TMEM131: variants seen among roughly 807,000 people sequenced by gnomAD.
TMEM131 encodes 2610524E03Rik.
Under a neutral mutation model 211.6 loss-of-function variants are expected in TMEM131, and 66 were observed. The ratio of observed to expected loss-of-function variants is 0.31; its 90% CI spans 0.26 to 0.38. The LOEUF is 0.38. Among genes scored for constraint, TMEM131 ranks in the 10% least tolerant of loss-of-function variants. TMEM131 has a pLI of 1.00. For missense variants in TMEM131, 2,036 were observed against 2,299.3 expected, an observed-to-expected ratio of 0.89 and a Z score of 2.34; for synonymous variants, 844 against 841.3, an observed-to-expected ratio of 1.00 and a Z score of -0.06.
chr2:97,867,228 A>G (rs1387891163), intron 4 of TMEM131, among the ~76,000 whole-genome samples: 3 of 152,158 alleles, frequency 2.0e-5, no homozygotes, highest in Non-Finnish European at 2.9e-5. Flanking sequence ...CAAGTCTTCT[A>G]TATCTTTATC....
Position 97,760,615 on chromosome 2 carries a change from C to T in TMEM131, c.5086G>A (p.Val1696Ile). The stretch of plus-strand genomic sequence containing the variant: ...TACCTGTCTGAGCCATCGCTGTCAA[C>T]AGGAGCGTGTGAAATGCCAAGGCTG... The part of the protein sequence containing the change: ...SSSLGISHAP[V>I]DSDGSDSSGL... Residue 1696 changes from valine to isoleucine, a missense_variant, in exon 38 of 41, where the codon GTT (valine) becomes ATT (isoleucine). Physicochemically the swap from Val to Ile is conservative, Grantham distance 29. This residue lies in a region of TMEM131 where 1,623 missense variants were observed against 1,805.9 expected (regional missense o/e 0.90). Coordinates refer to ENST00000186436, the MANE Select transcript of TMEM131 (RefSeq NM_015348.2). 1 of 1,612,322 alleles carries T rather than the reference C, an allele frequency of 6.2e-7. No homozygotes were observed.
At chr2:97,910,361 C>T (rs985579702) in intron 2 of TMEM131, among the ~76,000 whole-genome samples, 1 of 152,080 alleles carries the variant, frequency 6.6e-6, no homozygotes, top group African/African-American at 2.4e-5. Flanking sequence ...CCATACGACC[C>T]GCAATCCCAC....
chr2:97,989,569 C>G (rs1422261482), intron 1 of TMEM131, among the ~76,000 whole-genome samples: 1 of 152,098 alleles, frequency 6.6e-6, no homozygotes, highest in Non-Finnish European at 1.5e-5. Context: ...ACACTTAACA[C>G]CACTGAACTG....
intron 1 of TMEM131, among the ~76,000 whole-genome samples, chr2:97,980,710 C>T (rs1200415585): frequency 1.3e-5 from 2 of 152,028 alleles, no homozygotes; most frequent in Non-Finnish European, 2.9e-5. Context: ...TATATTCATA[C>T]AACAGAATAC....
intron 3 of TMEM131, among the ~76,000 whole-genome samples, chr2:97,890,476 T>C (rs1269800038): frequency 6.6e-6 from 1 of 152,194 alleles, no homozygotes; most frequent in Non-Finnish European, 1.5e-5. Flanking sequence ...TACACAGTCA[T>C]GACATGGGAG....
intron 1 of TMEM131, among the ~76,000 whole-genome samples, chr2:97,932,270 T>G (rs1185417268): frequency 1.3e-5 from 2 of 152,144 alleles, no homozygotes; most frequent in Non-Finnish European, 2.9e-5. Context: ...TTTTAAAACA[T>G]CCTGGACTAG....
At chr2:97,949,566 G>A (rs1460837873) in intron 1 of TMEM131, among the ~76,000 whole-genome samples, 2 of 152,044 alleles carry the variant, frequency 1.3e-5, no homozygotes, top group African/African-American at 4.8e-5. Flanking sequence ...TGTAATCCCA[G>A]CACTTTGGGA....
At chr2:97,979,985 A>G (rs1385724544) in intron 1 of TMEM131, among the ~76,000 whole-genome samples, 6 of 152,132 alleles carry the variant, frequency 3.9e-5, no homozygotes, top group African/African-American at 1.4e-4. Flanking sequence ...AGTACTACTA[A>G]TTGTCCTAAT....
chr2:97,883,177 C>A (rs1202727018), intron 4 of TMEM131, among the ~76,000 whole-genome samples: 1 of 152,164 alleles, frequency 6.6e-6, no homozygotes, highest in African/African-American at 2.4e-5. Context: ...AAAGCTCCAC[C>A]TCTGAACACA....
chr2:97,949,256 A>G (rs1678189051), intron 1 of TMEM131, among the ~76,000 whole-genome samples: 1 of 152,210 alleles, frequency 6.6e-6, no homozygotes, highest in South Asian at 2.1e-4. Flanking sequence ...AAGGGAGACA[A>G]CAGAAGAGTA....
At chr2:97,782,015 C>A (rs1235014233) in intron 31 of TMEM131, among the ~76,000 whole-genome samples, 1 of 152,248 alleles carries the variant, frequency 6.6e-6, no homozygotes, top group Non-Finnish European at 1.5e-5. Context: ...GACATCCCAG[C>A]ATGCTGGCGA....
chr2:97,956,277 T>C (rs762405492), intron 1 of TMEM131, among the ~76,000 whole-genome samples: 3 of 152,176 alleles, frequency 2.0e-5, no homozygotes, highest in African/African-American at 4.8e-5. Context: ...CAATAAATGG[T>C]GCTAGAGCAA....
intron 1 of TMEM131, among the ~76,000 whole-genome samples, chr2:97,979,844 T>C (rs547379427): frequency 1.3e-5 from 2 of 152,340 alleles, no homozygotes; most frequent in Admixed American, 6.5e-5. Flanking sequence ...GGCTGTTTGG[T>C]ACGAGAGGCC....
chr2:97,764,403 T>C (rs1679055061), intron 35 of TMEM131: 1 of 152,502 alleles, frequency 6.6e-6, no homozygotes, highest in Non-Finnish European at 1.5e-5. Flanking sequence ...TCCACCCATA[T>C]TCTCTATCGA....
chr2:97,818,463 CGG>C lies in TMEM131; in HGVS notation c.1183+148_1183+149del, dbSNP rs1184208506. 5 of 283,898 alleles carry C rather than the reference CGG, an allele frequency of 1.8e-5. 1 individual carries two copies. The highest frequency in any genetic ancestry group is 1.3e-5 in the Non-Finnish European group (2 of 159,614). The allele number at this position is 283,898 out of a possible 1,614,324, so 17.6% of individuals were successfully genotyped here. A position where few individuals can be genotyped will look rare whatever the true frequency, so the allele number is the denominator to read the frequency against. On this transcript the variant is annotated intron_variant, in intron 12 of 40. Coordinates refer to ENST00000186436, the MANE Select transcript of TMEM131 (RefSeq NM_015348.2). ...AGTAAGAGTTCATGATGGTTTACAG[CGG>C]GGGGGGGCGGGGGGGGATCAACCTA...
Position 97,995,645 on chromosome 2 carries a change from T to A in TMEM131, c.18A>T (p.Gly6=). The change falls in exon 1 of 41, where the codon GGA becomes GGT. Residue 6 remains glycine, a synonymous_variant. Transcript: ENST00000186436. MGKRA[G]GGATGATTAA... is the part of the protein sequence containing the mutation. ...CGGTGGTGGCTCCGGTTGCTCCTCC[T>A]CCCGCCCGCTTCCCCATCCCTGCCG... The A allele has an allele frequency of 8.2e-7, 1 of 1,215,368 alleles. No homozygotes were observed. Among genetic ancestry groups the A allele is most frequent in the Non-Finnish European group, 1.0e-6 (1 of 977,294 alleles). 75.3% of individuals were successfully genotyped at this position (1,215,368 alleles called of 1,614,324 possible).
At chr2:97,878,177 G>C (rs1033825896) in intron 4 of TMEM131, among the ~76,000 whole-genome samples, 2 of 152,138 alleles carry the variant, frequency 1.3e-5, no homozygotes, top group African/African-American at 4.8e-5. Context: ...TTAGAATGGC[G>C]ATCATTAAAA....
chr2:97,868,231 C>A (rs567915367), intron 4 of TMEM131, among the ~76,000 whole-genome samples: 29 of 152,302 alleles, frequency 1.9e-4, no homozygotes, highest in African/African-American at 7.0e-4. Flanking sequence ...ACAGCCCTTT[C>A]ACGGTTCTTT....
At chr2:97,810,081 A>G (rs1469767724) in intron 18 of TMEM131, among the ~76,000 whole-genome samples, 1 of 152,214 alleles carries the variant, frequency 6.6e-6, no homozygotes, top group Non-Finnish European at 1.5e-5. Flanking sequence ...TGTATTTCAA[A>G]ATACAAATAA....
Sources: allele counts gnomAD v4.1 joint callset (sites outside exome capture counted in the v4.1 genomes callset), GRCh38; gene constraint gnomAD v4.1.1; regional missense constraint gnomAD v4.1.1; transcripts MANE v1.5; gene names NCBI Gene and HGNC (gene_info 2026-07-23, HGNC 2026-07-21).